The following ATP8B1 variants were observed in gnomAD, a reference collection of about 807,000 sequenced individuals.
ATP8B1 encodes the protein ATPase phospholipid transporting 8B1.
In ATP8B1, 80 loss-of-function variants were observed where a neutral mutation model predicts 149.9. The ratio of observed to expected loss-of-function variants is 0.53; its 90% confidence interval spans 0.45 to 0.64. ATP8B1 has a LOEUF of 0.64. ATP8B1 is among the 30% of genes least tolerant of loss of function. ATP8B1 has a pLI of 0.00. For synonymous variants in ATP8B1, 536 were observed against 562.8 expected, an observed-to-expected ratio of 0.95 and a Z score of 0.67; for missense variants, 1,247 against 1,552.6, an observed-to-expected ratio of 0.80 and a Z score of 3.31.
At chr18:57,713,191 C>CTTTCTTTATTTA (rs1568207469) in intron 2 of ATP8B1, among the ~76,000 whole-genome samples, 2 of 85,594 alleles carry the variant, frequency 2.3e-5, no homozygotes, top group Admixed American at 1.2e-4. Flanking sequence ...TTCTTTCTTT[C>CTTTCTTTATTTA]TTTCTTTCCT....
intron 17 of ATP8B1, among the ~76,000 whole-genome samples, chr18:57,669,824 CT>C (rs1260672648): frequency 6.6e-6 from 1 of 151,742 alleles, no homozygotes; most frequent in African/African-American, 2.4e-5. Flanking sequence ...AATTTTTGTA[CT>C]TTTTTTTGTA....
At chr18:57,782,816 T>C (rs1278573745) in intron 1 of ATP8B1, among the ~76,000 whole-genome samples, 23 of 133,278 alleles carry the variant, frequency 1.7e-4, no homozygotes, top group Non-Finnish European at 3.4e-4. Context: ...TTTTTTTTTT[T>C]TTTTTTTTTT....
At chr18:57,697,941 G>A (rs1262057308) in intron 6 of ATP8B1, 74 bp from the exon 7 acceptor site, 1 of 1,359,638 alleles carries the variant, frequency 7.4e-7, no homozygotes, top group Non-Finnish European at 1.0e-6. Context: ...CTTTCTGGAT[G>A]TTATAGATTC....
chr18:57,706,947 C>T (rs984510787), intron 2 of ATP8B1, among the ~76,000 whole-genome samples: 5 of 152,132 alleles, frequency 3.3e-5, no homozygotes, highest in Middle Eastern at 3.2e-3. Flanking sequence ...CTTGATGCCT[C>T]GAGGAAGGCA....
At chr18:57,676,972 C>G (rs527420118) in intron 15 of ATP8B1, among the ~76,000 whole-genome samples, 2 of 152,260 alleles carry the variant, frequency 1.3e-5, no homozygotes, top group South Asian at 4.1e-4. Flanking sequence ...TGATATTCCA[C>G]TGCACTCCAG....
At position 57,730,237 on chromosome 18, in the gene ATP8B1, G is replaced by C. The variant is rs375501414; in HGVS notation, c.181+1390C>G. Among the ~76,000 whole-genome samples, 270 of 149,118 alleles carry C rather than the reference G, an allele frequency of 1.8e-3. 1 individual carries two copies. The highest frequency in any genetic ancestry group is 6.1e-3 in the African/African-American group (250 of 40,822). Reference sequence around the variant, plus strand: ...CAGAACCCAAGAAAGAGAAACTAGAGGGGGGGTTTGGCATGGGGGAAAAAG... The same window carrying C: ...CAGAACCCAAGAAAGAGAAACTAGACGGGGGGTTTGGCATGGGGGAAAAAG... On this transcript the variant is annotated intron_variant, in intron 2 of 27. Coordinates refer to ENST00000648908, the MANE Select transcript of ATP8B1 (RefSeq NM_001374385.1).
intron 1 of ATP8B1, among the ~76,000 whole-genome samples, chr18:57,765,524 C>T (rs1413828451): frequency 1.3e-5 from 2 of 151,980 alleles, no homozygotes; most frequent in African/African-American, 4.8e-5. Context: ...AAAAAATTAG[C>T]CAGACATAGT....
intron 1 of ATP8B1, among the ~76,000 whole-genome samples, chr18:57,781,954 A>T (rs974115340): frequency 5.3e-5 from 8 of 152,224 alleles, no homozygotes; most frequent in African/African-American, 1.9e-4. Flanking sequence ...AGGCCACTGC[A>T]CTCCAACCTG....
rs79599043 is a variant in ATP8B1 at position 57,676,084 on chromosome 18, G to A, written c.1631-1062C>T. ...AACACTGATAATTTTAAAACTCATTGGTATACAATACTAATTTGTTTTCCA... is the reference window on the plus strand; with the variant it reads ...AACACTGATAATTTTAAAACTCATTAGTATACAATACTAATTTGTTTTCCA... On this transcript the variant is annotated intron_variant, in intron 15 of 27. Transcript: ENST00000648908. Among the ~76,000 whole-genome samples, 556 of 152,274 alleles carry A rather than the reference G, an allele frequency of 3.7e-3. 2 individuals carry two copies. Among genetic ancestry groups the A allele is most frequent in the Non-Finnish European group, 5.8e-3 (397 of 68,034 alleles).
intron 4 of ATP8B1, 88 bp downstream of exon 4, chr18:57,704,467 C>G (rs1348538646): frequency 1.1e-6 from 1 of 934,636 alleles, no homozygotes; most frequent in East Asian, 2.6e-5. Flanking sequence ...AAAACACTTT[C>G]AAGATTATTC....
Position 57,668,557 on chromosome 18 carries a change from A to AAAT in ATP8B1, c.2098-18_2098-17insATT, listed in dbSNP as rs1309798741. 6.9e-7 allele frequency: 1 copy of AAAT among 1,442,304 alleles called. No homozygotes were observed. The allele number at this position is 1,442,304 out of a possible 1,614,324, so 89.3% of individuals were successfully genotyped here. On this transcript the variant is annotated splice_polypyrimidine_tract_variant and intron_variant, in intron 18 of 27. Transcript: ENST00000648908. ...TCCCAGGAGCTAGAATGTATATTAA[A>AAAT]AAAAAAAAAAAAAGGAATTAGCAAA...
At chr18:57,727,293 C>G (rs2079718497) in intron 2 of ATP8B1, among the ~76,000 whole-genome samples, 1 of 152,082 alleles carries the variant, frequency 6.6e-6, no homozygotes, top group African/African-American at 2.4e-5. Flanking sequence ...AGAGTAGACT[C>G]CCATATGTGG....
At chr18:57,781,988 C>T (rs75189819) in intron 1 of ATP8B1, among the ~76,000 whole-genome samples, 1 of 152,180 alleles carries the variant, frequency 6.6e-6, no homozygotes, top group Non-Finnish European at 1.5e-5. Flanking sequence ...GAACCCATCT[C>T]TAAAAACCAG....
At chr18:57,792,348 A>C (rs1035582281) in intron 1 of ATP8B1, among the ~76,000 whole-genome samples, 1 of 151,968 alleles carries the variant, frequency 6.6e-6, no homozygotes, top group Non-Finnish European at 1.5e-5. Context: ...GGGTCTTGCC[A>C]CGTTGCCCAG....
chr18:57,655,478 T>G, intron 22 of ATP8B1, 61 bp from the exon 23 acceptor site: 1 of 1,464,868 alleles, frequency 6.8e-7, no homozygotes, highest in Non-Finnish European at 9.6e-7. Context: ...AAAACATCAG[T>G]TGATAAAAAT....
chr18:57,693,640 G>A (rs1287341451), intron 11 of ATP8B1, among the ~76,000 whole-genome samples: 2 of 151,968 alleles, frequency 1.3e-5, no homozygotes, highest in Non-Finnish European at 1.5e-5. Context: ...CCTGGGAGAC[G>A]GAGATTGCAG....
intron 17 of ATP8B1, among the ~76,000 whole-genome samples, chr18:57,670,065 C>A (rs548852784): frequency 6.6e-6 from 1 of 152,282 alleles, no homozygotes; most frequent in South Asian, 2.1e-4. Context: ...TTCTCATTTT[C>A]TCATTTTCTC....
At chr18:57,671,082 TG>T (rs1911196486) in intron 17 of ATP8B1, among the ~76,000 whole-genome samples, 1 of 152,212 alleles carries the variant, frequency 6.6e-6, no homozygotes, top group Non-Finnish European at 1.5e-5. Flanking sequence ...CTGTCACATA[TG>T]AATGCTTTCC....
chr18:57,750,265 A>G (rs530176615), intron 1 of ATP8B1, among the ~76,000 whole-genome samples: 1 of 152,332 alleles, frequency 6.6e-6, no homozygotes, highest in African/African-American at 2.4e-5. Context: ...AGAATAAACT[A>G]GGGGTTTAAA....
Sources: allele counts gnomAD v4.1 joint callset (sites outside exome capture counted in the v4.1 genomes callset), GRCh38; gene constraint gnomAD v4.1.1; transcripts MANE v1.5; gene names NCBI Gene and HGNC (gene_info 2026-07-23, HGNC 2026-07-21).